The following ILDR2 variants were observed in gnomAD, a reference collection of about 807,000 sequenced individuals.
ILDR2 encodes the protein immunoglobulin like domain containing receptor 2.
ILDR2 carries 25 observed loss-of-function variants against 66.8 expected under a neutral mutation model. The observed-to-expected ratio is 0.37, with a 90% confidence interval of 0.27 to 0.52. The LOEUF (loss-of-function observed/expected upper bound fraction) is 0.52, where lower values mean the gene tolerates loss of function less well. Among genes scored for constraint, ILDR2 ranks in the 20% least tolerant of loss-of-function variants. ILDR2 has a pLI of 0.88. For missense variants in ILDR2, 827 were observed against 876.8 expected (o/e 0.94, Z 0.72); for synonymous variants, 367 against 357.2 (o/e 1.03, Z -0.31).
At chr1:166,939,821 T>C (rs2101915978) in intron 3 of ILDR2, among the ~76,000 whole-genome samples, 1 of 152,302 alleles carries the variant, frequency 6.6e-6, no homozygotes, top group East Asian at 1.9e-4. Flanking sequence ...TCTCCAACTA[T>C]TTATAGGAGG....
intron 3 of ILDR2, among the ~76,000 whole-genome samples, chr1:166,950,519 G>C (rs543204758): frequency 6.6e-6 from 1 of 152,228 alleles, no homozygotes; most frequent in African/African-American, 2.4e-5. Flanking sequence ...AGTAACACAG[G>C]GGTAGGTGTG....
At chr1:166,953,012 T>C (rs1319449313) in intron 3 of ILDR2, among the ~76,000 whole-genome samples, 2 of 152,250 alleles carry the variant, frequency 1.3e-5, no homozygotes, top group African/African-American at 2.4e-5. Context: ...ACATTAGTAT[T>C]AGTGCTAGAT....
chr1:166,919,274 G>A lies in ILDR2; in HGVS notation c.*81C>T, dbSNP rs1342506397. ...CAAGGTGATGGCCAGAGAAGGTCCTGGGCCTGCTGGTTCTTAGATTTGTGT... is the reference window on the plus strand; with the variant it reads ...CAAGGTGATGGCCAGAGAAGGTCCTAGGCCTGCTGGTTCTTAGATTTGTGT... On this transcript the variant is annotated 3_prime_UTR_variant, in exon 10 of 10. Transcript: ENST00000271417. 7.5e-7 allele frequency: 1 copy of A among 1,325,658 alleles called. No homozygotes were observed. The highest frequency in any genetic ancestry group is 1.1e-6 in the Non-Finnish European group (1 of 932,008). 82.1% of individuals were successfully genotyped at this position (1,325,658 alleles called of 1,614,324 possible).
At chr1:166,960,382 A>G (rs753445825) in intron 1 of ILDR2, among the ~76,000 whole-genome samples, 2 of 152,212 alleles carry the variant, frequency 1.3e-5, no homozygotes, top group Non-Finnish European at 1.5e-5. Flanking sequence ...AAGTGTAGTA[A>G]AATAGTGTTG....
At chr1:166,970,659 C>T (rs1280988607) in intron 1 of ILDR2, among the ~76,000 whole-genome samples, 4 of 152,080 alleles carry the variant, frequency 2.6e-5, no homozygotes, top group East Asian at 1.9e-4. Context: ...GTACTTGCAC[C>T]GTAGTGCGAG....
In ILDR2 at chr1:166,914,943, G is replaced by A. The variant is rs1420104077; in HGVS notation, c.*4412C>T. 6.6e-6 allele frequency: 1 copy of A among 152,116 alleles called. No homozygotes were observed. Among genetic ancestry groups the A allele is most frequent in the Non-Finnish European group, 1.5e-5 (1 of 68,022 alleles). The allele number at this position is 152,116 out of a possible 1,614,324, so 9.4% of individuals were successfully genotyped here. ...CCCAACTTTAGGTAAGACCAAAGTG[G>A]GAGTGCTATTGGCCAGTCATCCTTA... On this transcript the variant is annotated 3_prime_UTR_variant, in exon 10 of 10. Coordinates refer to ENST00000271417, the MANE Select transcript of ILDR2 (RefSeq NM_199351.3).
chr1:166,939,657 C>T, intron 3 of ILDR2, 87 bp from the exon 4 acceptor site: 1 of 1,088,344 alleles, frequency 9.2e-7, no homozygotes, highest in Non-Finnish European at 1.4e-6. Context: ...TGGTACCATC[C>T]ACACGTGCGG....
rs976389520 is a variant in ILDR2, at chr1:166,924,136, TCATG to T, written c.995-1331_995-1328del. Among the ~76,000 whole-genome samples the T allele has an allele frequency of 3.8e-4, 58 of 152,378 alleles. 1 individual carries two copies. The highest frequency in any genetic ancestry group is 1.3e-3 in the African/African-American group (55 of 41,588). On this transcript the variant is annotated intron_variant, in intron 7 of 9. Coordinates refer to ENST00000271417, the MANE Select transcript of ILDR2 (RefSeq NM_199351.3). ...TTACCACGAATGCCATTCAATTTTATCATGCAATCAGTTGATTTTTAATTATAAT... is the reference window on the plus strand; with the variant it reads ...TTACCACGAATGCCATTCAATTTTATCAATCAGTTGATTTTTAATTATAAT...
intron 3 of ILDR2, among the ~76,000 whole-genome samples, chr1:166,950,282 C>T (rs1661895132): frequency 6.6e-6 from 1 of 152,134 alleles, no homozygotes; most frequent in African/African-American, 2.4e-5. Context: ...TCTCAGAGAT[C>T]AAAGTTTTAG....
chr1:166,970,861 G>A (rs750799099), intron 1 of ILDR2, among the ~76,000 whole-genome samples: 11 of 152,158 alleles, frequency 7.2e-5, no homozygotes, highest in Non-Finnish European at 8.8e-5. Flanking sequence ...GAAGATGGAC[G>A]AGGTACGTTC....
At chr1:166,924,049 C>A (rs1421922779) in intron 7 of ILDR2, among the ~76,000 whole-genome samples, 2 of 152,172 alleles carry the variant, frequency 1.3e-5, no homozygotes, top group East Asian at 3.8e-4. Flanking sequence ...GATTTTTGCA[C>A]AAAGATGAGG....
At chr1:166,940,529 A>C (rs987727356) in intron 3 of ILDR2, among the ~76,000 whole-genome samples, 1 of 152,218 alleles carries the variant, frequency 6.6e-6, no homozygotes, top group Non-Finnish European at 1.5e-5. Flanking sequence ...TAGCACCTAA[A>C]CACGCAACTA....
At chr1:166,939,487 C>G (rs1397354065) in intron 4 of ILDR2, 27 bp downstream of exon 4, 1 of 1,597,966 alleles carries the variant, frequency 6.3e-7, no homozygotes. Flanking sequence ...GCAAATCAAG[C>G]AAATAAAGAG....
In ILDR2 at chr1:166,935,417, C is replaced by T. The variant is rs547001320; in HGVS notation, c.764G>A (p.Gly255Asp). The T allele has an allele frequency of 3.1e-6, 5 of 1,613,264 alleles. No homozygotes were observed. In the African/African-American group the frequency reaches 6.7e-5, roughly 22 times the overall value. Residue 255 changes from glycine (G) to aspartate (D), a missense_variant, in exon 6 of 10, where the codon GGC becomes GAC. By Grantham distance (94) the Gly-to-Asp change is moderately conservative. Transcript: ENST00000271417. ...GYPPSVSGVP[G>D]PYSIPSVPLG... ...AGGGACAGAGGGGATGGAGTAAGGG[C>T]CGGGGACACCGGAGACAGAGGGAGG...
intron 3 of ILDR2, among the ~76,000 whole-genome samples, chr1:166,949,014 A>C (rs1661812375): frequency 6.6e-6 from 1 of 152,266 alleles, no homozygotes; most frequent in African/African-American, 2.4e-5. Context: ...CACTGAGTCC[A>C]GGGCTGTCTG....
chr1:166,915,102 T>C lies in ILDR2; in HGVS notation c.*4253A>G, dbSNP rs957608660. The C allele has an allele frequency of 6.6e-6, 1 of 152,238 alleles. No homozygotes were observed. Among genetic ancestry groups the C allele is most frequent in the Non-Finnish European group, 1.5e-5 (1 of 68,034 alleles). 9.4% of individuals were successfully genotyped at this position (152,238 alleles called of 1,614,324 possible). A position where few individuals can be genotyped will look rare whatever the true frequency, so the allele number is the denominator to read the frequency against. ...AATTACCTGTAATTCTTGTTGTCTG[T>C]TCTGAGACTGTCACAATAGATCACT... On this transcript the variant is annotated 3_prime_UTR_variant, in exon 10 of 10. Transcript: ENST00000271417.
intron 1 of ILDR2, among the ~76,000 whole-genome samples, chr1:166,966,117 T>TA (rs1662933387): frequency 6.6e-6 from 1 of 152,134 alleles, no homozygotes; most frequent in Non-Finnish European, 1.5e-5. Context: ...ATCGCCTTGA[T>TA]AAACTTGTGT....
At position 166,971,892 on chromosome 1, in the gene ILDR2, T is replaced by C. The variant is rs984465862; in HGVS notation, c.46+3331A>G. ...AGGAATTTAATATGTGCTTGTAGAA[T>C]AGACAAACAAGTGAAATCAAAAGAA... On this transcript the variant is annotated intron_variant, in intron 1 of 9. Coordinates refer to ENST00000271417, the MANE Select transcript of ILDR2 (RefSeq NM_199351.3). 5.3e-5 allele frequency among the ~76,000 whole-genome samples: 8 copies of C among 152,200 alleles called. No homozygotes were observed. In the East Asian group the frequency reaches 1.4e-3, roughly 26 times the overall value.
chr1:166,925,937 C>T (rs1660253756), intron 7 of ILDR2, among the ~76,000 whole-genome samples: 1 of 152,206 alleles, frequency 6.6e-6, no homozygotes, highest in Non-Finnish European at 1.5e-5. Context: ...GTCTCTGGCC[C>T]CTTACAGGGA....
Sources: gnomAD v4.1 joint callset for allele counts (sites outside exome capture counted in the v4.1 genomes callset) on GRCh38, gnomAD v4.1.1 for gene constraint, MANE v1.5 for transcripts, NCBI Gene and HGNC (gene_info 2026-07-23, HGNC 2026-07-21) for gene names.